The following CACHD1 variants were observed in gnomAD, a reference collection of about 807,000 sequenced individuals.
CACHD1 encodes cache domain containing 1.
Under a neutral mutation model 138.7 loss-of-function variants are expected in CACHD1, and 71 were observed. That is an observed-to-expected ratio of 0.51 (90% CI 0.42 to 0.62). The LOEUF (loss-of-function observed/expected upper bound fraction) is 0.62. Among genes scored for constraint, CACHD1 ranks in the 20% least tolerant of loss-of-function variants. The pLI is 0.00. For missense variants in CACHD1, 1,389 were observed against 1,625.3 expected, an observed-to-expected ratio of 0.85 and a Z score of 2.50; for synonymous variants, 578 against 591.5, an observed-to-expected ratio of 0.98 and a Z score of 0.33.
intron 2 of CACHD1, among the ~76,000 whole-genome samples, chr1:64,571,716 G>C (rs1646928281): frequency 6.6e-6 from 1 of 151,920 alleles, no homozygotes; most frequent in African/African-American, 2.4e-5. Context: ...AACATGCTGT[G>C]GTCAGTTATC....
chr1:64,494,660 A>AT (rs1646296309), intron 1 of CACHD1, among the ~76,000 whole-genome samples: 1 of 152,214 alleles, frequency 6.6e-6, no homozygotes, highest in African/African-American at 2.4e-5. Context: ...TATTGCTTAA[A>AT]TTGACAGGAT....
At chr1:64,628,689 A>G (rs187790584) in intron 4 of CACHD1, among the ~76,000 whole-genome samples, 2 of 152,176 alleles carry the variant, frequency 1.3e-5, no homozygotes, top group Non-Finnish European at 2.9e-5. Flanking sequence ...TTGGCCATTT[A>G]CTGATGAGGT....
Position 64,678,283 on chromosome 1 carries a change from C to T in CACHD1, c.3217C>T (p.Pro1073Ser). Residue 1073 changes from proline (P) to serine (S), a missense_variant, in exon 23 of 27, where the codon CCC becomes TCC. By Grantham distance (74) the Pro-to-Ser change is moderately conservative (BLOSUM62 -1). Transcript: ENST00000651257. ...CGGGGGGATTGTGGGAGCCAAAAGT[C>T]CCTACGTTGATGACATGGGAGCAAT... ...CFGGIVGAKS[P>S]YVDDMGAIGD... is the part of the protein sequence containing the mutation. 6.3e-7 allele frequency: 1 copy of T among 1,590,966 alleles called. No individual in the cohort carries two copies. The highest frequency in any genetic ancestry group is 2.3e-5 in the East Asian group (1 of 43,978).
chr1:64,529,724 C>G (rs528419128), intron 1 of CACHD1, among the ~76,000 whole-genome samples: 1 of 152,262 alleles, frequency 6.6e-6, no homozygotes, highest in South Asian at 2.1e-4. Flanking sequence ...GATTTGAATC[C>G]ACAACTGCCT....
chr1:64,632,526 G>A, intron 5 of CACHD1, 73 bp from the exon 6 acceptor site: 2 of 1,521,700 alleles, frequency 1.3e-6, no homozygotes, highest in South Asian at 1.2e-5. Flanking sequence ...GCACTGTAGT[G>A]TTCACAGCTG....
chr1:64,637,687 A>AC (rs1648571602), intron 7 of CACHD1, among the ~76,000 whole-genome samples: 1 of 152,220 alleles, frequency 6.6e-6, no homozygotes, highest in Non-Finnish European at 1.5e-5. Context: ...TTTTCTAAAT[A>AC]CTCAGAGGAG....
chr1:64,667,378 C>T (rs74362595), intron 16 of CACHD1, among the ~76,000 whole-genome samples: 2,024 of 152,216 alleles, frequency 0.013, 48 homozygotes, highest in African/African-American at 0.047. Flanking sequence ...ATTGGGAGGC[C>T]ATAGGTGTGG....
At chr1:64,637,211 G>A (rs1648555386) in intron 7 of CACHD1, among the ~76,000 whole-genome samples, 1 of 152,198 alleles carries the variant, frequency 6.6e-6, no homozygotes, top group Non-Finnish European at 1.5e-5. Context: ...AAATAATGGA[G>A]AGAAATGTTA....
At chr1:64,618,302 T>C (rs1356837345) in intron 4 of CACHD1, among the ~76,000 whole-genome samples, 5 of 152,214 alleles carry the variant, frequency 3.3e-5, no homozygotes, top group Non-Finnish European at 7.3e-5. Context: ...GATTCTCTAC[T>C]TCTTGCCATC....
At chr1:64,619,756 C>T (rs137940100) in intron 4 of CACHD1, among the ~76,000 whole-genome samples, 15 of 152,204 alleles carry the variant, frequency 9.9e-5, no homozygotes, top group East Asian at 1.9e-4. Context: ...GTGCCTTACA[C>T]GTAGTCAGGA....
chr1:64,550,765 T>A, intron 2 of CACHD1, 109 bp downstream of exon 2: 1 of 704,664 alleles, frequency 1.4e-6, no homozygotes, highest in Non-Finnish European at 2.5e-6. Context: ...TCTTTCTCTC[T>A]GTATAATTTC....
intron 13 of CACHD1, among the ~76,000 whole-genome samples, chr1:64,659,322 T>G (rs1023660852): frequency 6.6e-6 from 1 of 152,020 alleles, no homozygotes. Flanking sequence ...TCAGTAGCCC[T>G]AAGTCCATAG....
chr1:64,618,379 G>A (rs778117536), intron 4 of CACHD1, among the ~76,000 whole-genome samples: 2 of 151,994 alleles, frequency 1.3e-5, no homozygotes, highest in Non-Finnish European at 2.9e-5. Context: ...GTGGTCCCAG[G>A]TACTCCTTCT....
intron 12 of CACHD1, 60 bp from the exon 13 acceptor site, chr1:64,658,645 G>A (rs556618089): frequency 7.5e-7 from 1 of 1,335,562 alleles, no homozygotes; most frequent in African/African-American, 1.5e-5. Flanking sequence ...TGTATGCAAA[G>A]TCCCTGTCCC....
rs573299681 is a variant in CACHD1 at position 64,663,239 on chromosome 1, G to C, written c.1952-456G>C. Among the ~76,000 whole-genome samples the C allele has an allele frequency of 6.6e-5, 10 of 150,840 alleles. No homozygotes were observed. The East Asian group carries it at 2.0e-3, about 30-fold the overall frequency. On this transcript the variant is annotated intron_variant, in intron 13 of 26. Coordinates refer to ENST00000651257, the MANE Select transcript of CACHD1 (RefSeq NM_020925.4). Reference sequence around the variant, plus strand: ...CTTAGGACTGTAAGCTCCCTGAAGGGAGAGAATGTGGCCCTTTAGATATTA... The same window carrying C: ...CTTAGGACTGTAAGCTCCCTGAAGGCAGAGAATGTGGCCCTTTAGATATTA...
At chr1:64,566,445 A>T (rs1646880840) in intron 2 of CACHD1, among the ~76,000 whole-genome samples, 1 of 131,552 alleles carries the variant, frequency 7.6e-6, no homozygotes, top group African/African-American at 2.7e-5. Flanking sequence ...ATTCAAGTGT[A>T]TTTAGATTCA....
chr1:64,579,353 G>A (rs1259574003), intron 2 of CACHD1, among the ~76,000 whole-genome samples: 1 of 152,212 alleles, frequency 6.6e-6, no homozygotes. Flanking sequence ...CAAATGTGTA[G>A]AAGAAACCCT....
In CACHD1 at chr1:64,568,859, C is replaced by T. The variant is rs184371880; in HGVS notation, c.262-13297C>T. On this transcript the variant is annotated intron_variant, in intron 2 of 26. Coordinates refer to ENST00000651257, the MANE Select transcript of CACHD1 (RefSeq NM_020925.4). The stretch of plus-strand genomic sequence containing the variant: ...AAAAGCAATATATATCTATTGTTTA[C>T]AGTTATTAATTGTACTCCAGGCACA... 4.6e-5 allele frequency among the ~76,000 whole-genome samples: 7 copies of T among 152,216 alleles called. No homozygotes were observed. In the East Asian group the frequency reaches 1.4e-3, roughly 29 times the overall value.
rs1325675607 is a variant in CACHD1, at chr1:64,493,818, C to T, written c.198+22876C>T. ...CACACATTTTGTGGGGCTGATTTAG[C>T]GAGCTCGTGGTTCTCATAATCTCCT... is the stretch of plus-strand genomic sequence containing the variant. On this transcript the variant is annotated intron_variant, in intron 1 of 26. Transcript: ENST00000651257. Among the ~76,000 whole-genome samples, 10 of 152,180 alleles carry T rather than the reference C, an allele frequency of 6.6e-5. No individual in the cohort carries two copies. In the South Asian group the frequency reaches 1.2e-3, roughly 19 times the overall value.
Sources: allele counts gnomAD v4.1 joint callset (sites outside exome capture counted in the v4.1 genomes callset), GRCh38; gene constraint gnomAD v4.1.1; transcripts MANE v1.5; gene names NCBI Gene and HGNC (gene_info 2026-07-23, HGNC 2026-07-21).